The following CSNK1G2 variants were observed in gnomAD, a reference collection of about 807,000 sequenced individuals.
CSNK1G2 encodes casein kinase I isoform gamma-2.
Under a neutral mutation model 48.0 loss-of-function variants are expected in CSNK1G2, and 11 were observed. The observed-to-expected ratio is 0.23, with a 90% CI of 0.14 to 0.38. The LOEUF (loss-of-function observed/expected upper bound fraction) is 0.38. CSNK1G2 is among the 10% of genes least tolerant of loss of function. CSNK1G2 has a pLI of 1.00. For synonymous variants in CSNK1G2, 337 were observed against 254.1 expected, an observed-to-expected ratio of 1.33 and a Z score of -3.10; for missense variants, 446 against 595.5, an observed-to-expected ratio of 0.75 and a Z score of 2.61.
Position 1,942,974 on chromosome 19 carries a change from A to G in CSNK1G2, c.-266+1556A>G, listed in dbSNP as rs564935627. Among the ~76,000 whole-genome samples, 4 of 152,004 alleles carry G rather than the reference A, an allele frequency of 2.6e-5. No individual in the cohort carries two copies. The South Asian group carries it at 8.3e-4, about 32-fold the overall frequency. ...CTGCCTTGACGTCTCTAGGGCCGAGAGTGTTTTGCTCAGCCCCCCACAGTG... is the reference window on the plus strand; with the variant it reads ...CTGCCTTGACGTCTCTAGGGCCGAGGGTGTTTTGCTCAGCCCCCCACAGTG... On this transcript the variant is annotated intron_variant, in intron 1 of 11. Coordinates refer to ENST00000255641, the MANE Select transcript of CSNK1G2 (RefSeq NM_001319.7).
intron 1 of CSNK1G2, among the ~76,000 whole-genome samples, chr19:1,958,205 A>T (rs2015063820): frequency 6.7e-6 from 1 of 149,692 alleles, no homozygotes; most frequent in South Asian, 2.1e-4. Flanking sequence ...CCCCCACCAA[A>T]GCCTGTGCCC....
intron 1 of CSNK1G2, among the ~76,000 whole-genome samples, chr19:1,965,585 C>T (rs1420477502): frequency 6.6e-6 from 1 of 152,052 alleles, no homozygotes; most frequent in Non-Finnish European, 1.5e-5. Flanking sequence ...ACTGCATCCT[C>T]CACCTCCCGG....
At chr19:1,969,077 C>T (rs2015475653) in intron 1 of CSNK1G2, among the ~76,000 whole-genome samples, 1 of 152,202 alleles carries the variant, frequency 6.6e-6, no homozygotes, top group Non-Finnish European at 1.5e-5. Context: ...TCCCTCTTTC[C>T]CAGAGCGGCC....
chr19:1,961,136 C>T (rs561798526), intron 1 of CSNK1G2, among the ~76,000 whole-genome samples: 4 of 152,348 alleles, frequency 2.6e-5, no homozygotes, highest in South Asian at 2.1e-4. Context: ...AGTGGAAAGA[C>T]GGATGGACGG....
chr19:1,958,120 T>G (rs888879016), intron 1 of CSNK1G2, among the ~76,000 whole-genome samples: 1 of 152,026 alleles, frequency 6.6e-6, no homozygotes, highest in Non-Finnish European at 1.5e-5. Context: ...TCTGGAGGCG[T>G]TGGAAGCACA....
Position 1,959,874 on chromosome 19 carries a change from T to G in CSNK1G2, c.-265-9634T>G, listed in dbSNP as rs1380960947. Among the ~76,000 whole-genome samples the G allele has an allele frequency of 1.4e-5, 2 of 142,732 alleles. 1 individual carries two copies. The highest frequency in any genetic ancestry group is 3.1e-5 in the Non-Finnish European group (2 of 65,432). The allele number at this position is 142,732 out of a possible 152,430, so 93.6% of individuals were successfully genotyped here. A position where few individuals can be genotyped will look rare whatever the true frequency, so the allele number is the denominator to read the frequency against. On this transcript the variant is annotated intron_variant, in intron 1 of 11. Coordinates refer to ENST00000255641, the MANE Select transcript of CSNK1G2 (RefSeq NM_001319.7). Reference sequence around the variant, plus strand: ...GTGCCACCTTTAGTGCCACCGTGGGTCCCCCAGCACCCGCCCCACCTTTAG... The same window carrying G: ...GTGCCACCTTTAGTGCCACCGTGGGGCCCCCAGCACCCGCCCCACCTTTAG...
chr19:1,952,249 A>G (rs2014790660), intron 1 of CSNK1G2, among the ~76,000 whole-genome samples: 1 of 151,952 alleles, frequency 6.6e-6, no homozygotes, highest in Admixed American at 6.6e-5. Context: ...GTGCGCCGAT[A>G]GCGTGTGTCA....
intron 1 of CSNK1G2, among the ~76,000 whole-genome samples, chr19:1,942,123 C>T (rs968598062): frequency 3.9e-5 from 6 of 152,086 alleles, no homozygotes; most frequent in African/African-American, 9.7e-5. Flanking sequence ...TGGGAACTCC[C>T]GGCTGGGCTC....
chr19:1,956,773 C>T (rs1054737354), intron 1 of CSNK1G2, among the ~76,000 whole-genome samples: 1 of 152,276 alleles, frequency 6.6e-6, no homozygotes, highest in Non-Finnish European at 1.5e-5. Context: ...TACCCACATC[C>T]GTGGGGGCTG....
At chr19:1,972,716 G>A (rs534566947) in intron 2 of CSNK1G2, among the ~76,000 whole-genome samples, 56 of 151,978 alleles carry the variant, frequency 3.7e-4, no homozygotes, top group Middle Eastern at 3.4e-3. Flanking sequence ...TCTGCCTCTC[G>A]GGTTCAAGCA....
intron 1 of CSNK1G2, among the ~76,000 whole-genome samples, chr19:1,950,846 T>C (rs1468664840): frequency 1.4e-5 from 2 of 146,474 alleles, no homozygotes; most frequent in Non-Finnish European, 3.0e-5. Context: ...GGAGTTTTGC[T>C]GGAGACCCTC....
intron 2 of CSNK1G2, among the ~76,000 whole-genome samples, chr19:1,976,845 T>G (rs1418183711): frequency 6.6e-6 from 1 of 152,004 alleles, no homozygotes; most frequent in Non-Finnish European, 1.5e-5. Context: ...GTTCAGGCAA[T>G]TCTCCTGCCT....
chr19:1,949,889 GC>G (rs1238321382), intron 1 of CSNK1G2, among the ~76,000 whole-genome samples: 3 of 152,222 alleles, frequency 2.0e-5, no homozygotes, highest in Non-Finnish European at 4.4e-5. Context: ...TCCTGCATGT[GC>G]CCGGTGTCCC....
At chr19:1,953,500 G>T (rs1380017602) in intron 1 of CSNK1G2, 1 of 533,348 alleles carries the variant, frequency 1.9e-6, no homozygotes, top group Non-Finnish European at 3.9e-6. Flanking sequence ...GCCTCCGTTT[G>T]CATAATCTGA....
intron 1 of CSNK1G2, among the ~76,000 whole-genome samples, chr19:1,955,671 G>A (rs145066038): frequency 3.9e-5 from 6 of 152,308 alleles, no homozygotes; most frequent in Non-Finnish European, 7.4e-5. Context: ...AGGGGCTGTC[G>A]TGAGATGCTT....
chr19:1,955,604 G>C (rs1442332661), intron 1 of CSNK1G2, among the ~76,000 whole-genome samples: 1 of 151,068 alleles, frequency 6.6e-6, no homozygotes, highest in South Asian at 2.1e-4. Context: ...GTCCATGTCA[G>C]GCTTAGGGTG....
rs571207098 is a variant in CSNK1G2 at position 1,957,355 on chromosome 19, G to T, written c.-265-12153G>T. Among the ~76,000 whole-genome samples the T allele has an allele frequency of 3.3e-5, 5 of 152,344 alleles. No homozygotes were observed. Among genetic ancestry groups the T allele is most frequent in the African/African-American group, 1.2e-4 (5 of 41,580 alleles). On this transcript the variant is annotated intron_variant, in intron 1 of 11. Coordinates refer to ENST00000255641, the MANE Select transcript of CSNK1G2 (RefSeq NM_001319.7). The surrounding 1 kb of genome is among the most constrained non-coding windows in gnomAD (Gnocchi z 5.4). ...GGTCACGTGGGCACCACAGACGAAA[G>T]TGGAGCCGGGGGAGAGATGTCCCGG...
chr19:1,976,083 G>T, intron 2 of CSNK1G2: 1 of 1,289,652 alleles, frequency 7.8e-7, no homozygotes, highest in Non-Finnish European at 1.0e-6. Flanking sequence ...TGGACCGGTG[G>T]ATGGTAGCTG....
At chr19:1,959,388 G>C (rs1477794631) in intron 1 of CSNK1G2, 1 of 152,706 alleles carries the variant, frequency 6.5e-6, no homozygotes, top group East Asian at 1.9e-4. Context: ...TTTTCCTGAC[G>C]TGGCATCGGG....
Sources: allele counts gnomAD v4.1 joint callset (sites outside exome capture counted in the v4.1 genomes callset), GRCh38; gene constraint gnomAD v4.1.1; non-coding constraint Gnocchi (gnomAD v3.1); transcripts MANE v1.5; gene names NCBI Gene and HGNC (gene_info 2026-07-23, HGNC 2026-07-21).